The following PRDM5 variants were observed in gnomAD, a reference collection of about 807,000 sequenced individuals.
The protein encoded by PRDM5 is PR/SET domain 5.
A neutral mutation model predicts 81.2 loss-of-function variants in PRDM5; 56 were observed. The observed-to-expected ratio is 0.69, with a 90% CI of 0.56 to 0.86. PRDM5 has a LOEUF of 0.86. Ranked by LOEUF, PRDM5 falls within the 40% of genes least tolerant of loss-of-function variation. The pLI, the probability that PRDM5 is intolerant of heterozygous loss-of-function variation, is 0.00. For synonymous variants in PRDM5, 267 were observed against 256.4 expected (o/e 1.04, Z -0.39); for missense variants, 697 against 770.1 (o/e 0.91, Z 1.12).
chr4:120,734,707 T>C (rs909537045), intron 14 of PRDM5, among the ~76,000 whole-genome samples: 9 of 152,206 alleles, frequency 5.9e-5, no homozygotes, highest in African/African-American at 2.2e-4. Flanking sequence ...TTGGACAATA[T>C]TCTGGGGCTT....
intron 14 of PRDM5, among the ~76,000 whole-genome samples, chr4:120,720,521 A>G (rs115281862): frequency 0.016 from 2,496 of 152,326 alleles, 68 homozygotes; most frequent in African/African-American, 0.057. Context: ...CTGAGGGAAC[A>G]GAGCTACAGC....
intron 2 of PRDM5, among the ~76,000 whole-genome samples, chr4:120,878,036 A>G (rs1762488500): frequency 1.3e-5 from 2 of 152,220 alleles, no homozygotes; most frequent in African/African-American, 4.8e-5. Flanking sequence ...CAAAATCTCA[A>G]ACAGATATTA....
At chr4:120,826,435 C>A (rs896060) in intron 3 of PRDM5, among the ~76,000 whole-genome samples, 8,062 of 152,142 alleles carry the variant, frequency 0.053, 342 homozygotes, top group Middle Eastern at 0.15. Flanking sequence ...TTCAATTGGG[C>A]ACATCATTTA....
At chr4:120,787,354 C>T (rs566982935) in intron 10 of PRDM5, among the ~76,000 whole-genome samples, 9 of 152,260 alleles carry the variant, frequency 5.9e-5, no homozygotes, top group African/African-American at 1.4e-4. Flanking sequence ...AAATCGTGTA[C>T]GGCCTGACTG....
intron 14 of PRDM5, among the ~76,000 whole-genome samples, chr4:120,727,837 G>A (rs1041720919): frequency 6.6e-6 from 1 of 151,894 alleles, no homozygotes; most frequent in Non-Finnish European, 1.5e-5. Context: ...TTAGGAGGCT[G>A]AGGCAGGGGA....
intron 14 of PRDM5, among the ~76,000 whole-genome samples, chr4:120,741,491 A>T (rs1185038670): frequency 2.6e-5 from 4 of 151,588 alleles, no homozygotes; most frequent in Admixed American, 2.6e-4. Context: ...AAGACGGGTG[A>T]TTACTGCATT....
At chr4:120,854,295 T>A (rs556956981) in intron 2 of PRDM5, among the ~76,000 whole-genome samples, 1 of 152,156 alleles carries the variant, frequency 6.6e-6, no homozygotes, top group Non-Finnish European at 1.5e-5. Flanking sequence ...GCATTATCAG[T>A]TGCTAGGGAC....
At position 120,777,169 on chromosome 4, in the gene PRDM5, CT is replaced by C. The variant is rs1171888943; in HGVS notation, c.1537+18del. 6.2e-7 allele frequency: 1 copy of C among 1,613,026 alleles called. No individual in the cohort carries two copies. On this transcript the variant is annotated intron_variant, in intron 13 of 15. Transcript: ENST00000264808. ...TTCTCTAAGTGGTTTTTTCACTAGT[CT>C]AATTACAATCTCCATACCTGTGTGG...
In PRDM5 at chr4:120,904,646, A is replaced by C. The variant is rs1305081443; in HGVS notation, c.177+2828T>G. Among the ~76,000 whole-genome samples the C allele has an allele frequency of 3.3e-5, 5 of 152,222 alleles. 1 individual carries two copies. Among genetic ancestry groups the C allele is most frequent in the Admixed American group, 2.6e-4 (4 of 15,280 alleles). On this transcript the variant is annotated intron_variant, in intron 2 of 15. Transcript: ENST00000264808. ...AACAAAATAATAATGCAAAGACATT[A>C]AAGAACTACAGGAATAGATAATGCA...
downstream of PRDM5, among the ~76,000 whole-genome samples, chr4:120,690,106 C>G (rs891693807): frequency 6.6e-6 from 1 of 152,076 alleles, no homozygotes; most frequent in Non-Finnish European, 1.5e-5. Context: ...CAGTTTTCAT[C>G]CATTAAAGGC....
intron 2 of PRDM5, among the ~76,000 whole-genome samples, chr4:120,900,566 G>C (rs922167226): frequency 3.9e-5 from 6 of 152,168 alleles, no homozygotes; most frequent in Non-Finnish European, 5.9e-5. Flanking sequence ...ACCATCACCA[G>C]TGTGTAAGTG....
At chr4:120,897,674 T>C (rs1764795451) in intron 2 of PRDM5, among the ~76,000 whole-genome samples, 1 of 152,256 alleles carries the variant, frequency 6.6e-6, no homozygotes, top group African/African-American at 2.4e-5. Context: ...TATTTTCTAC[T>C]GACTTCTTTT....
chr4:120,748,719 A>T (rs1743520830), intron 14 of PRDM5, among the ~76,000 whole-genome samples: 1 of 152,016 alleles, frequency 6.6e-6, no homozygotes, highest in Admixed American at 6.5e-5. Flanking sequence ...AGCAAAGAAC[A>T]AAGACCATGA....
chr4:120,707,413 T>C (rs1736345530), intron 15 of PRDM5, among the ~76,000 whole-genome samples: 1 of 151,760 alleles, frequency 6.6e-6, no homozygotes, highest in Non-Finnish European at 1.5e-5. Context: ...CTCAGAAAGC[T>C]AGGTAAAAAG....
chr4:120,790,113 A>G (rs377185777), intron 10 of PRDM5, among the ~76,000 whole-genome samples: 1 of 152,168 alleles, frequency 6.6e-6, no homozygotes, highest in Admixed American at 6.5e-5. Context: ...AAGAGCCATA[A>G]CTCATGTCTC....
At chr4:120,914,236 T>C (rs1210600740) in intron 1 of PRDM5, among the ~76,000 whole-genome samples, 1 of 150,096 alleles carries the variant, frequency 6.7e-6, no homozygotes, top group Non-Finnish European at 1.5e-5. Flanking sequence ...AACTTCCCAA[T>C]TAAATATCTT....
In PRDM5 at chr4:120,694,982, T is replaced by C; in HGVS notation, c.*129A>G. 8.9e-7 allele frequency: 1 copy of C among 1,119,198 alleles called. No individual in the cohort carries two copies. The highest frequency in any genetic ancestry group is 1.3e-6 in the Non-Finnish European group (1 of 744,822). The allele number at this position is 1,119,198 out of a possible 1,614,324, so 69.3% of individuals were successfully genotyped here. ...TGCATATGCATCTACAGACTCTAAA[T>C]GTAGGCAAATAAGAACTATGAGACC... On this transcript the variant is annotated 3_prime_UTR_variant, in exon 16 of 16. Coordinates refer to ENST00000264808, the MANE Select transcript of PRDM5 (RefSeq NM_018699.4).
chr4:120,738,638 A>G (rs1299977057), intron 14 of PRDM5, among the ~76,000 whole-genome samples: 1 of 152,222 alleles, frequency 6.6e-6, no homozygotes, highest in African/African-American at 2.4e-5. Context: ...TTCCAAAAAC[A>G]AAATACAACT....
downstream of PRDM5, among the ~76,000 whole-genome samples, chr4:120,687,062 C>A (rs1733865194): frequency 1.3e-5 from 2 of 151,984 alleles, no homozygotes; most frequent in Non-Finnish European, 2.9e-5. Flanking sequence ...TGTTTTAATT[C>A]TTAAATTGCA....
Sources: allele counts gnomAD v4.1 joint callset (sites outside exome capture counted in the v4.1 genomes callset), GRCh38; gene constraint gnomAD v4.1.1; transcripts MANE v1.5; gene names NCBI Gene and HGNC (gene_info 2026-07-23, HGNC 2026-07-21).